ILKAP: variants seen among roughly 807,000 people sequenced by gnomAD.
ILKAP encodes integrin-linked kinase-associated serine/threonine phosphatase 2C.
In ILKAP, 11 loss-of-function variants were observed where a neutral mutation model predicts 49.1. The observed-to-expected ratio is 0.22, with a 90% CI of 0.14 to 0.37. ILKAP has a LOEUF of 0.37. Ranked by LOEUF, ILKAP falls within the 10% of genes least tolerant of loss-of-function variation. The pLI is 1.00. For missense variants in ILKAP, 363 were observed against 510.8 expected, an observed-to-expected ratio of 0.71 and a Z score of 2.79; for synonymous variants, 186 against 192.8, an observed-to-expected ratio of 0.96 and a Z score of 0.29.
intron 1 of ILKAP, among the ~76,000 whole-genome samples, chr2:238,195,182 T>TA (rs964845467): frequency 4.6e-5 from 7 of 152,208 alleles, no homozygotes; most frequent in African/African-American, 1.7e-4. Flanking sequence ...ATGAAACATT[T>TA]AAAAGTCTTT....
At chr2:238,175,074 A>G (rs895409496) in intron 9 of ILKAP, among the ~76,000 whole-genome samples, 1 of 152,182 alleles carries the variant, frequency 6.6e-6, no homozygotes, top group African/African-American at 2.4e-5. Flanking sequence ...CTCTAAGTCT[A>G]AAGAAGGACA....
intron 3 of ILKAP, among the ~76,000 whole-genome samples, chr2:238,192,934 A>C (rs529497727): frequency 6.6e-6 from 1 of 151,660 alleles, no homozygotes; most frequent in East Asian, 2.0e-4. Flanking sequence ...AATCGCTTAA[A>C]CCCGGGAGGT....
intron 1 of ILKAP, among the ~76,000 whole-genome samples, chr2:238,201,573 CA>C (rs1340028916): frequency 1.3e-5 from 2 of 152,200 alleles, no homozygotes; most frequent in African/African-American, 4.8e-5. Flanking sequence ...AAAACGGCAA[CA>C]GGATGTACCT....
chr2:238,173,917 T>C (rs1693336926), intron 9 of ILKAP: 1 of 456,706 alleles, frequency 2.2e-6, no homozygotes. Context: ...GCTGCCCAGC[T>C]TAACCTTCGA....
intron 1 of ILKAP, among the ~76,000 whole-genome samples, chr2:238,195,507 T>C (rs186925158): frequency 4.6e-5 from 7 of 152,320 alleles, no homozygotes; most frequent in Non-Finnish European, 1.5e-5. Context: ...TGTGAAGATT[T>C]ACACTCCAAA....
intron 1 of ILKAP, among the ~76,000 whole-genome samples, chr2:238,200,787 C>T (rs534159313): frequency 6.6e-6 from 1 of 152,336 alleles, no homozygotes; most frequent in East Asian, 1.9e-4. Flanking sequence ...TATGTCACTG[C>T]ACTCCAGCCT....
chr2:238,188,062 A>C lies in ILKAP; in HGVS notation c.425+69T>G, dbSNP rs759887404. Reference sequence around the variant, plus strand: ...ATTTTCTAGTAAATACAAACTAGCCAGTCCAAAATGCCAGTCAGAACCCAG... The same window carrying C: ...ATTTTCTAGTAAATACAAACTAGCCCGTCCAAAATGCCAGTCAGAACCCAG... On this transcript the variant is annotated intron_variant, in intron 5 of 11. Coordinates refer to ENST00000254654, the MANE Select transcript of ILKAP (RefSeq NM_030768.3). The C allele has an allele frequency of 1.6e-5, 25 of 1,544,114 alleles. No homozygotes were observed. In the Admixed American group the frequency reaches 3.3e-4, roughly 20 times the overall value.
At chr2:238,187,363 G>A (rs777183239) in intron 5 of ILKAP, among the ~76,000 whole-genome samples, 1 of 152,140 alleles carries the variant, frequency 6.6e-6, no homozygotes. Flanking sequence ...CAGCCCAAAC[G>A]GCTCCAGCAC....
intron 2 of ILKAP, 85 bp downstream of exon 2, chr2:238,194,717 TGGG>T (rs1486050434): frequency 7.5e-7 from 1 of 1,339,214 alleles, no homozygotes; most frequent in Non-Finnish European, 1.1e-6. Context: ...GTGTTGAAAA[TGGG>T]GGAAAGGGAA....
At chr2:238,192,705 A>AG (rs958128472) in intron 3 of ILKAP, among the ~76,000 whole-genome samples, 3 of 18,468 alleles carry the variant, frequency 1.6e-4, no homozygotes, top group East Asian at 7.9e-3. Context: ...GTCTCAAAAA[A>AG]GGAAAAAAAA....
In ILKAP at chr2:238,203,549, T is replaced by C; in HGVS notation, c.5A>G (p.Asp2Gly). 2 of 1,176,002 alleles carry C rather than the reference T, an allele frequency of 1.7e-6. No homozygotes were observed. Among genetic ancestry groups the C allele is most frequent in the Non-Finnish European group, 2.1e-6 (2 of 948,808 alleles). The allele number at this position is 1,176,002 out of a possible 1,614,324, so 72.8% of individuals were successfully genotyped here. A position where few individuals can be genotyped will look rare whatever the true frequency, so the allele number is the denominator to read the frequency against. MDLFGDLPEPER... is the reference protein window; with the variant it reads MGLFGDLPEPER... ...GGGCTCCGGCAGGTCCCCGAAGAGG[T>C]CCATGGCGGAGGCTGGGTGGAGGCG... The change falls in exon 1 of 12, where the codon GAC (aspartate) becomes GGC (glycine). Residue 2 changes from aspartate to glycine, a missense_variant. Coordinates refer to ENST00000254654, the MANE Select transcript of ILKAP (RefSeq NM_030768.3).
chr2:238,203,298 C>G (rs924359445), intron 1 of ILKAP, among the ~76,000 whole-genome samples: 5 of 150,732 alleles, frequency 3.3e-5, no homozygotes, highest in African/African-American at 1.2e-4. Context: ...AGCGGCCTCT[C>G]CGAGCTCCGC....
At position 238,188,215 on chromosome 2, in the gene ILKAP, C is replaced by T. The variant is rs1330765731; in HGVS notation, c.341G>A (p.Arg114Gln). Residue 114 changes from arginine (R) to glutamine (Q), a missense_variant, in exon 5 of 12, where the codon CGG becomes CAG. Physicochemically the swap from Arg to Gln is conservative, Grantham distance 43. Transcript: ENST00000254654. Reference protein sequence around the residue: ...IFGLKGYVAERKGEREEMQDA... With the variant: ...IFGLKGYVAEQKGEREEMQDA... ...CTGCATCTCCTCCCTCTCACCCTTC[C>T]GCTCAGCCACATAGCCCTTCAGACC... The T allele has an allele frequency of 1.9e-6, 3 of 1,614,006 alleles. No individual in the cohort carries two copies. Among genetic ancestry groups the T allele is most frequent in the Admixed American group, 1.7e-5 (1 of 59,994 alleles).
In ILKAP at chr2:238,194,144, TA is replaced by T. The variant is rs1574805070; in HGVS notation, c.178+130del. The T allele has an allele frequency of 6.0e-6, 4 of 671,402 alleles. No individual in the cohort carries two copies. The East Asian group carries it at 1.1e-4, about 19-fold the overall frequency. 41.6% of individuals were successfully genotyped at this position (671,402 alleles called of 1,614,324 possible). A position where few individuals can be genotyped will look rare whatever the true frequency, so the allele number is the denominator to read the frequency against. On this transcript the variant is annotated intron_variant, in intron 3 of 11. Coordinates refer to ENST00000254654, the MANE Select transcript of ILKAP (RefSeq NM_030768.3). The stretch of plus-strand genomic sequence containing the variant: ...CAATTAATGTGCCTGTTTATAGTTT[TA>T]GTAAACCTTATGCTGTATTATGACT...
chr2:238,173,131 C>T (rs1289420615), intron 10 of ILKAP, among the ~76,000 whole-genome samples: 5 of 152,200 alleles, frequency 3.3e-5, no homozygotes, highest in African/African-American at 1.2e-4. Flanking sequence ...GATCTGCCCC[C>T]AAAGTACCCT....
chr2:238,192,205 AAAAAAAAAAAAG>A (rs1482219648), intron 3 of ILKAP, among the ~76,000 whole-genome samples: 1 of 148,334 alleles, frequency 6.7e-6, no homozygotes, highest in Non-Finnish European at 1.5e-5. Context: ...GACTGTCTTA[AAAAAAAAAAAAG>A]AAAAAGAAAA....
chr2:238,194,852 C>T lies in ILKAP; in HGVS notation c.74G>A (p.Gly25Glu), dbSNP rs1222075858. 6.2e-7 allele frequency: 1 copy of T among 1,614,044 alleles called. No individual in the cohort carries two copies. The highest frequency in any genetic ancestry group is 8.5e-7 in the Non-Finnish European group (1 of 1,179,924). ...AGGGAGGTCATCAAAGAGCAGGGGT[C>T]CTTTCTGAGCTTCTTTCCCTAAAAC... ...RPAAGKEAQK[G>E]PLLFDDLPPA... Residue 25 changes from glycine to glutamate, a missense_variant, in exon 2 of 12, where the codon GGA becomes GAA. Around this residue, in one of 3 missense-constraint regions of ILKAP, gnomAD observed 114 missense variants for 116.0 expected, o/e 0.98. Coordinates refer to ENST00000254654, the MANE Select transcript of ILKAP (RefSeq NM_030768.3).
intron 10 of ILKAP, 129 bp from the exon 11 acceptor site, chr2:238,171,153 CTTTTTTCT>C: frequency 1.4e-5 from 7 of 509,184 alleles, no homozygotes; most frequent in Non-Finnish European, 2.4e-5. Flanking sequence ...TTTTTTTTTT[CTTTTTTCT>C]TTTTTTTTTT....
At chr2:238,196,281 T>C (rs958671990) in intron 1 of ILKAP, among the ~76,000 whole-genome samples, 2 of 151,968 alleles carry the variant, frequency 1.3e-5, no homozygotes, top group Non-Finnish European at 2.9e-5. Flanking sequence ...AGTAGAGACA[T>C]GGTCTCACCA....
Sources: gnomAD v4.1 joint callset for allele counts (sites outside exome capture counted in the v4.1 genomes callset) on GRCh38, gnomAD v4.1.1 for gene constraint, gnomAD v4.1.1 regional missense constraint, MANE v1.5 for transcripts, NCBI Gene and HGNC (gene_info 2026-07-23, HGNC 2026-07-21) for gene names.